The following CRIM1 variants were observed in gnomAD, a reference collection of about 807,000 sequenced individuals.
CRIM1 encodes the protein cysteine rich transmembrane BMP regulator 1.
CRIM1 carries 32 observed loss-of-function variants against 116.4 expected under a neutral mutation model. The ratio of observed to expected loss-of-function variants is 0.27; its 90% CI spans 0.21 to 0.37. CRIM1 has a LOEUF of 0.37. Among genes scored for constraint, CRIM1 ranks in the 10% least tolerant of loss-of-function variants. The pLI is 1.00. For synonymous variants in CRIM1, 590 were observed against 509.2 expected (o/e 1.16, Z -2.13); for missense variants, 1,331 against 1,354.8 (o/e 0.98, Z 0.28).
At chr2:36,485,473 C>T (rs907900950) in intron 7 of CRIM1, among the ~76,000 whole-genome samples, 3 of 152,116 alleles carry the variant, frequency 2.0e-5, no homozygotes, top group Admixed American at 6.5e-5. Flanking sequence ...ATATTCTCTC[C>T]CTGAAGGCTG....
intron 2 of CRIM1, among the ~76,000 whole-genome samples, chr2:36,428,630 G>T (rs1277371142): frequency 6.6e-6 from 1 of 152,170 alleles, no homozygotes; most frequent in African/African-American, 2.4e-5. Context: ...TTAGCAGTTG[G>T]TTAAATATTC....
At chr2:36,499,920 T>G (rs887256086) in intron 8 of CRIM1, among the ~76,000 whole-genome samples, 1 of 152,188 alleles carries the variant, frequency 6.6e-6, no homozygotes, top group African/African-American at 2.4e-5. Flanking sequence ...ATAAACATCC[T>G]CATTCTCCTT....
At position 36,447,876 on chromosome 2, in the gene CRIM1, T is replaced by C. The variant is rs78294007; in HGVS notation, c.869+5141T>C. Among the ~76,000 whole-genome samples, 1,249 of 152,322 alleles carry C rather than the reference T, an allele frequency of 8.2e-3. 48 individuals carry two copies. In the East Asian group the frequency reaches 0.087, roughly 11 times the overall value. ...GATTCTTTTCCAAAAACTCATGCCC[T>C]TCTGGCCCTGGAACTCTGGGTCTTC... On this transcript the variant is annotated intron_variant, in intron 4 of 16. Transcript: ENST00000280527.
At chr2:36,378,562 T>C in intron 1 of CRIM1, 1 of 356,060 alleles carries the variant, frequency 2.8e-6, no homozygotes, top group South Asian at 2.2e-5. Context: ...GGAAGTTAAT[T>C]TGAAAGTTTA....
At chr2:36,539,779 T>C (rs1332734759) in intron 14 of CRIM1, among the ~76,000 whole-genome samples, 1 of 152,060 alleles carries the variant, frequency 6.6e-6, no homozygotes, top group African/African-American at 2.4e-5. Flanking sequence ...ACATTTTGGT[T>C]TGGGGCATTT....
chr2:36,441,806 T>A (rs996591646), intron 3 of CRIM1, among the ~76,000 whole-genome samples: 9 of 152,214 alleles, frequency 5.9e-5, no homozygotes, highest in African/African-American at 2.2e-4. Flanking sequence ...ACTATGGCAA[T>A]CTGCTTCATT....
chr2:36,468,769 C>T (rs888323831), intron 5 of CRIM1, among the ~76,000 whole-genome samples: 4 of 152,204 alleles, frequency 2.6e-5, no homozygotes, highest in Non-Finnish European at 5.9e-5. Context: ...TGCTGTCTTA[C>T]ACATGGCCCA....
Position 36,432,660 on chromosome 2 carries a change from C to G in CRIM1, c.506-8598C>G, listed in dbSNP as rs189200996. 1.4e-3 allele frequency among the ~76,000 whole-genome samples: 219 copies of G among 152,172 alleles called. 1 individual carries two copies. Among genetic ancestry groups the G allele is most frequent in the Non-Finnish European group, 2.6e-3 (176 of 68,006 alleles). ...TTTTCCAGGAAGATTCCAGGGAACACTAGTTGGATCCGATTTCCTAAGAAT... is the reference window on the plus strand; with the variant it reads ...TTTTCCAGGAAGATTCCAGGGAACAGTAGTTGGATCCGATTTCCTAAGAAT... On this transcript the variant is annotated intron_variant, in intron 2 of 16. Transcript: ENST00000280527.
At chr2:36,364,133 A>G (rs1017665819) in intron 1 of CRIM1, among the ~76,000 whole-genome samples, 1 of 152,190 alleles carries the variant, frequency 6.6e-6, no homozygotes, top group African/African-American at 2.4e-5. Flanking sequence ...TTTAGTGTGC[A>G]CACAAATCAC....
chr2:36,410,242 C>G (rs1255734599), intron 2 of CRIM1, among the ~76,000 whole-genome samples: 1 of 152,114 alleles, frequency 6.6e-6, no homozygotes, highest in Non-Finnish European at 1.5e-5. Context: ...TCCTACACTT[C>G]ATTATTCTTT....
chr2:36,466,627 G>C (rs1472652309), intron 5 of CRIM1, among the ~76,000 whole-genome samples: 1 of 152,196 alleles, frequency 6.6e-6, no homozygotes, highest in Non-Finnish European at 1.5e-5. Flanking sequence ...TGGAGGACAG[G>C]AGTCTGTCAC....
At chr2:36,379,482 A>G (rs918517175) in intron 1 of CRIM1, among the ~76,000 whole-genome samples, 5 of 152,168 alleles carry the variant, frequency 3.3e-5, no homozygotes, top group African/African-American at 1.2e-4. Context: ...AGGCACTTTT[A>G]TTTCAGCCCT....
intron 2 of CRIM1, among the ~76,000 whole-genome samples, chr2:36,429,203 AC>A (rs1674683764): frequency 6.6e-6 from 1 of 152,214 alleles, no homozygotes; most frequent in Non-Finnish European, 1.5e-5. Context: ...CAAATTCCCA[AC>A]TACTGGCATG....
In CRIM1 at chr2:36,534,299, GGAA is replaced by G. The variant is rs878899062; in HGVS notation, c.2429-3051_2429-3049del. Among the ~76,000 whole-genome samples the G allele has an allele frequency of 7.5e-5, 10 of 132,670 alleles. No homozygotes were observed. In the South Asian group the frequency reaches 1.9e-3, roughly 26 times the overall value. 87.0% of individuals were successfully genotyped at this position (132,670 alleles called of 152,430 possible). On this transcript the variant is annotated intron_variant, in intron 13 of 16. Coordinates refer to ENST00000280527, the MANE Select transcript of CRIM1 (RefSeq NM_016441.3). Reference sequence around the variant, plus strand: ...GGGGACAGGAAGGAGGGATGAGAAAGGAAGGAGGGAGGGGGAAGGAAAGAAGGA... The same window carrying G: ...GGGGACAGGAAGGAGGGATGAGAAAGGGAGGGAGGGGGAAGGAAAGAAGGA...
At position 36,537,425 on chromosome 2, in the gene CRIM1, TGAC is replaced by T. The variant is rs770022588; in HGVS notation, c.2503_2505del (p.Asp835del). The T allele has an allele frequency of 6.2e-7, 1 of 1,614,222 alleles. No homozygotes were observed. Among genetic ancestry groups the T allele is most frequent in the Non-Finnish European group, 8.5e-7 (1 of 1,180,038 alleles). On this transcript the variant is annotated inframe_deletion, in exon 14 of 17. Coordinates refer to ENST00000280527, the MANE Select transcript of CRIM1 (RefSeq NM_016441.3). ...ATGCCGACGAGGAGCGGTGGGACCT[TGAC>T]AGCTGCACCCACTGCTACTGCCTGC...
intron 7 of CRIM1, among the ~76,000 whole-genome samples, chr2:36,482,787 A>C (rs1044453893): frequency 3.9e-5 from 6 of 152,204 alleles, no homozygotes; most frequent in African/African-American, 1.4e-4. Flanking sequence ...GACCCCACAC[A>C]AGGATTGTGG....
chr2:36,466,773 C>G (rs186417597), intron 5 of CRIM1, among the ~76,000 whole-genome samples: 1 of 152,282 alleles, frequency 6.6e-6, no homozygotes, highest in East Asian at 1.9e-4. Context: ...AATGTCAGCC[C>G]ATAAATGGGT....
At chr2:36,494,840 G>A (rs1282564184) in intron 7 of CRIM1, among the ~76,000 whole-genome samples, 2 of 152,104 alleles carry the variant, frequency 1.3e-5, no homozygotes, top group African/African-American at 2.4e-5. Context: ...TCTTCCTTTG[G>A]AGGACATTAA....
chr2:36,465,403 A>G (rs184546773), intron 5 of CRIM1, among the ~76,000 whole-genome samples: 27 of 152,370 alleles, frequency 1.8e-4, no homozygotes, highest in African/African-American at 4.6e-4. Flanking sequence ...TTACATGTCA[A>G]TAACCATTCA....
Sources: gnomAD v4.1 joint callset for allele counts (sites outside exome capture counted in the v4.1 genomes callset) on GRCh38, gnomAD v4.1.1 for gene constraint, MANE v1.5 for transcripts, NCBI Gene and HGNC (gene_info 2026-07-23, HGNC 2026-07-21) for gene names.